RASSF3: variants seen among roughly 807,000 people sequenced by gnomAD.
The protein encoded by RASSF3 is Ras association domain family member 3.
RASSF3 carries 19 observed loss-of-function variants against 19.9 expected under a neutral mutation model. The ratio of observed to expected loss-of-function variants is 0.96; its 90% CI spans 0.67 to 1.40. The LOEUF is 1.40. Ranked by LOEUF, RASSF3 falls within the 40% of genes most tolerant of loss-of-function variation. The probability of loss-of-function intolerance (pLI) is 0.00; values close to 1 mark genes in which losing one functional copy is unlikely to be tolerated. For synonymous variants in RASSF3, 110 were observed against 104.2 expected (o/e 1.06, Z -0.34); for missense variants, 306 against 289.8 (o/e 1.06, Z -0.41).
intron 2 of RASSF3, among the ~76,000 whole-genome samples, chr12:64,579,508 G>T (rs764776292): frequency 6.6e-6 from 1 of 151,806 alleles, no homozygotes; most frequent in Non-Finnish European, 1.5e-5. Context: ...CTGCCAACAC[G>T]CCTGGCTATT....
At chr12:64,545,553 T>C (rs74887174), downstream of RASSF3, among the ~76,000 whole-genome samples, 4,373 of 152,266 alleles carry the variant, frequency 0.029, 216 homozygotes, top group African/African-American at 0.1. Flanking sequence ...GACGGGTTTA[T>C]AAAGATCACG....
At chr12:64,560,725 A>T (rs1869332543) in intron 2 of RASSF3, among the ~76,000 whole-genome samples, 3 of 152,222 alleles carry the variant, frequency 2.0e-5, no homozygotes, top group Admixed American at 6.5e-5. Flanking sequence ...GAGTTCTTTG[A>T]GAAGCAGAAG....
At chr12:64,605,791 G>A (rs1337924692), upstream of RASSF3, among the ~76,000 whole-genome samples, 3 of 151,660 alleles carry the variant, frequency 2.0e-5, no homozygotes, top group African/African-American at 7.3e-5. Flanking sequence ...GGGAGGCTGA[G>A]GCAGGAGAAT....
At chr12:64,516,467 A>C (rs1222168039) in intron 1 of RASSF3, among the ~76,000 whole-genome samples, 2 of 151,134 alleles carry the variant, frequency 1.3e-5, no homozygotes, top group South Asian at 2.1e-4. Flanking sequence ...AAAATACAAA[A>C]AATTAGCCGG....
chr12:64,685,363 G>A (rs994077554), intron 2 of RASSF3, among the ~76,000 whole-genome samples: 1 of 152,126 alleles, frequency 6.6e-6, no homozygotes, highest in Admixed American at 6.5e-5. Flanking sequence ...TCCCACCTCA[G>A]CCTCCCGAGT....
rs375925002 is a variant in RASSF3, at chr12:64,539,532, C to T, written c.68-2049C>T. ...TGGCTTATATCTGTAGTCCCAGCACCTTGGGAGGCCAAGGGGGCGGATCAC... is the reference window on the plus strand; with the variant it reads ...TGGCTTATATCTGTAGTCCCAGCACTTTGGGAGGCCAAGGGGGCGGATCAC... On this transcript the variant is annotated intron_variant, in intron 1 of 1. Transcript: ENST00000636333. Among the ~76,000 whole-genome samples, 7 of 152,104 alleles carry T rather than the reference C, an allele frequency of 4.6e-5. No homozygotes were observed. The East Asian group carries it at 1.2e-3, about 25-fold the overall frequency.
chr12:64,590,231 C>CA (rs1305038090), intron 2 of RASSF3, among the ~76,000 whole-genome samples: 1,643 of 116,890 alleles, frequency 0.014, 19 homozygotes, highest in African/African-American at 0.039. Context: ...AAGACCCTGT[C>CA]AAAAAAAAAA....
intron 2 of RASSF3, among the ~76,000 whole-genome samples, chr12:64,594,058 C>T (rs937891920): frequency 4.9e-5 from 7 of 142,346 alleles, no homozygotes; most frequent in African/African-American, 7.8e-5. Flanking sequence ...CATGGCTGGG[C>T]GTGGTAGCTC....
intron 1 of RASSF3, among the ~76,000 whole-genome samples, chr12:64,624,412 T>C (rs2682714): frequency 0.29 from 44,372 of 151,696 alleles, 7,188 homozygotes; most frequent in Non-Finnish European, 0.37. Flanking sequence ...AGCAAGTCAT[T>C]GTACCTCTTT....
intron 2 of RASSF3, among the ~76,000 whole-genome samples, chr12:64,572,900 CTTTTTAAAATTTT>C (rs1036625841): frequency 1.3e-5 from 2 of 152,064 alleles, no homozygotes; most frequent in African/African-American, 2.4e-5. Flanking sequence ...AATGCAATTT[CTTTTTAAAATTTT>C]TTCAAGGGAC....
chr12:64,650,330 T>C (rs1019992022), intron 1 of RASSF3, among the ~76,000 whole-genome samples: 23 of 151,870 alleles, frequency 1.5e-4, no homozygotes, highest in African/African-American at 5.6e-4. Context: ...GACAGGTCCT[T>C]GATAGGACCT....
intron 2 of RASSF3, chr12:64,598,981 T>C (rs1870043022): frequency 6.7e-6 from 1 of 150,058 alleles, no homozygotes; most frequent in Non-Finnish European, 1.5e-5. Context: ...ATCTCTGCCT[T>C]GTGTTTGTGA....
intron 1 of RASSF3, chr12:64,654,321 AT>A (rs535946603): frequency 1.1e-3 from 159 of 148,610 alleles, no homozygotes; most frequent in African/African-American, 3.5e-3. Context: ...CGCCCAGCTA[AT>A]TTTTTTTTTC....
chr12:64,630,490 C>T (rs1871137484), intron 1 of RASSF3, among the ~76,000 whole-genome samples: 1 of 152,176 alleles, frequency 6.6e-6, no homozygotes, highest in Non-Finnish European at 1.5e-5. Context: ...CACACCACTG[C>T]ACTGTAGCCT....
intron 1 of RASSF3, among the ~76,000 whole-genome samples, chr12:64,674,035 T>A (rs1046411608): frequency 2.0e-5 from 3 of 152,134 alleles, no homozygotes; most frequent in Non-Finnish European, 4.4e-5. Flanking sequence ...CAGATGAAGC[T>A]CTTTTAATGT....
intron 2 of RASSF3, among the ~76,000 whole-genome samples, chr12:64,571,951 G>A (rs979988282): frequency 6.6e-6 from 1 of 152,170 alleles, no homozygotes; most frequent in African/African-American, 2.4e-5. Flanking sequence ...CTTTCTGATA[G>A]CTGGAGGACA....
intron 2 of RASSF3, among the ~76,000 whole-genome samples, chr12:64,571,529 A>C (rs1304365695): frequency 6.6e-6 from 1 of 152,206 alleles, no homozygotes; most frequent in Non-Finnish European, 1.5e-5. Flanking sequence ...CTGAGGCTTC[A>C]GCACACATAA....
chr12:64,644,083 G>A (rs987655173), intron 1 of RASSF3, among the ~76,000 whole-genome samples: 4 of 152,160 alleles, frequency 2.6e-5, no homozygotes, highest in Non-Finnish European at 5.9e-5. Context: ...GCTCTGCAGG[G>A]ATAGTAAGCC....
chr12:64,539,294 G>A (rs935133962), intron 1 of RASSF3, among the ~76,000 whole-genome samples: 4 of 151,878 alleles, frequency 2.6e-5, no homozygotes, highest in South Asian at 2.1e-4. Flanking sequence ...TAAAGCCACC[G>A]GTCTCATCAT....
Sources: gnomAD v4.1 joint callset for allele counts (sites outside exome capture counted in the v4.1 genomes callset) on GRCh38, gnomAD v4.1.1 for gene constraint, MANE v1.5 for transcripts, NCBI Gene and HGNC (gene_info 2026-07-23, HGNC 2026-07-21) for gene names.